Variants in NELFB observed in about 807,000 individuals in gnomAD.
NELFB encodes negative elongation factor complex member B.
In NELFB, 34 loss-of-function variants were observed where a neutral mutation model predicts 60.2. The observed-to-expected ratio is 0.56, with a 90% CI of 0.43 to 0.75. The LOEUF (loss-of-function observed/expected upper bound fraction) is 0.75, where lower values mean the gene tolerates loss of function less well. Ranked by LOEUF, NELFB falls within the 30% of genes least tolerant of loss-of-function variation. The probability of loss-of-function intolerance (pLI) is 0.00; values close to 1 mark genes in which losing one functional copy is unlikely to be tolerated. For synonymous variants in NELFB, 459 were observed against 382.1 expected, an observed-to-expected ratio of 1.20 and a Z score of -2.35; for missense variants, 770 against 831.6, an observed-to-expected ratio of 0.93 and a Z score of 0.91.
chr9:137,265,948 A>G lies in NELFB; in HGVS notation c.1112A>G (p.Gln371Arg). The change falls in exon 7 of 13, where the codon CAG (glutamine) becomes CGG (arginine). Residue 371 changes from glutamine (Q) to arginine (R), a missense_variant. Coordinates refer to ENST00000343053, the MANE Select transcript of NELFB (RefSeq NM_015456.5). ...GCACTGAGCACAGTCAGGCACCTGC[A>G]GGAGCTGGTCGGCCAGGAGACACTG... is the stretch of plus-strand genomic sequence containing the variant. The G allele has an allele frequency of 2.5e-6, 4 of 1,613,044 alleles. No individual in the cohort carries two copies. The highest frequency in any genetic ancestry group is 2.5e-6 in the Non-Finnish European group (3 of 1,179,876).
intron 5 of NELFB, among the ~76,000 whole-genome samples, chr9:137,263,830 C>G (rs774425808): frequency 6.6e-6 from 1 of 152,168 alleles, no homozygotes; most frequent in Non-Finnish European, 1.5e-5. Context: ...GTGGCCCTCC[C>G]CTTCCCCAGA....
At position 137,263,090 on chromosome 9, in the gene NELFB, G is replaced by T; in HGVS notation, c.795G>T (p.Met265Ile). The stretch of plus-strand genomic sequence containing the variant: ...GGAAGAACGTGAAGCTGTACGACAT[G>T]GTGCTGCAGTTTCTGCGCACGCTCT... Residue 265 changes from methionine (M) to isoleucine (I), a missense_variant, in exon 5 of 13, where the codon ATG becomes ATT. Met to Ile is a conservative substitution (Grantham distance 10). Transcript: ENST00000343053. 3 of 1,614,060 alleles carry T rather than the reference G, an allele frequency of 1.9e-6. No homozygotes were observed. The highest frequency in any genetic ancestry group is 1.7e-6 in the Non-Finnish European group (2 of 1,179,956).
rs1204129850 is a variant in NELFB, at chr9:137,262,354, G to A, written c.742-683G>A. 2.0e-5 allele frequency among the ~76,000 whole-genome samples: 3 copies of A among 152,170 alleles called. No homozygotes were observed. In the East Asian group the frequency reaches 5.8e-4, roughly 29 times the overall value. ...CCGCCTGGCAACGGGCGTCTTCCCA[G>A]ATGCTGGCGTCACCGCTAGACCAAG... On this transcript the variant is annotated intron_variant, in intron 4 of 12. Coordinates refer to ENST00000343053, the MANE Select transcript of NELFB (RefSeq NM_015456.5).
chr9:137,258,602 C>T (rs1265466147), intron 4 of NELFB, among the ~76,000 whole-genome samples: 2 of 151,826 alleles, frequency 1.3e-5, no homozygotes, highest in Non-Finnish European at 2.9e-5. Context: ...GCGCGCCCCA[C>T]CATGCCTGGC....
intron 10 of NELFB, 144 bp downstream of exon 10, chr9:137,267,490 C>CCTT: frequency 2.3e-6 from 1 of 440,372 alleles, no homozygotes; most frequent in East Asian, 4.3e-5. Context: ...TTGTTTTCAC[C>CCTT]TTTTTTTTTT....
intron 4 of NELFB, among the ~76,000 whole-genome samples, chr9:137,260,043 AT>A: frequency 7.1e-6 from 1 of 141,390 alleles, no homozygotes. Flanking sequence ...TTTTATTTTT[AT>A]TTATTTTATT....
chr9:137,256,549 T>A, intron 3 of NELFB, 121 bp downstream of exon 3: 1 of 872,288 alleles, frequency 1.1e-6, no homozygotes, highest in Non-Finnish European at 1.8e-6. Flanking sequence ...GCCCAAGTGC[T>A]GTCCATGGTG....
chr9:137,268,136 G>C (rs1262036975), intron 10 of NELFB, among the ~76,000 whole-genome samples: 1 of 152,100 alleles, frequency 6.6e-6, no homozygotes, highest in Non-Finnish European at 1.5e-5. Context: ...TTAGCCTGCT[G>C]TGGGTCCCAT....
At chr9:137,265,351 C>G (rs1374483916) in intron 6 of NELFB, among the ~76,000 whole-genome samples, 6 of 130,402 alleles carry the variant, frequency 4.6e-5, no homozygotes, top group African/African-American at 1.7e-4. Flanking sequence ...TTTGAAAAAT[C>G]TTTGAATAGG....
chr9:137,256,544 A>G (rs1418784127), intron 3 of NELFB, 116 bp downstream of exon 3: 4 of 912,840 alleles, frequency 4.4e-6, no homozygotes, highest in Non-Finnish European at 5.2e-6. Flanking sequence ...TGCCTGCCCA[A>G]GTGCTGTCCA....
chr9:137,272,732 C>T, intron 12 of NELFB, 50 bp from the exon 13 acceptor site: 1 of 1,521,086 alleles, frequency 6.6e-7, no homozygotes, highest in Non-Finnish European at 8.9e-7. Context: ...CCCTGTGCCC[C>T]CTGGGCCTGC....
intron 4 of NELFB, among the ~76,000 whole-genome samples, chr9:137,259,803 C>A (rs1284012197): frequency 6.6e-6 from 1 of 151,228 alleles, no homozygotes; most frequent in Non-Finnish European, 1.5e-5. Context: ...TGGCTCACTG[C>A]AAGCTCCGCC....
intron 6 of NELFB, among the ~76,000 whole-genome samples, 195 bp from the exon 7 acceptor site, chr9:137,265,682 C>T (rs978050828): frequency 4.3e-4 from 59 of 137,434 alleles, no homozygotes; most frequent in Non-Finnish European, 9.0e-4. Context: ...CCGCCGCGCC[C>T]GGCCTGCCAA....
intron 4 of NELFB, among the ~76,000 whole-genome samples, chr9:137,257,395 C>T (rs1008943649): frequency 6.6e-6 from 1 of 151,966 alleles, no homozygotes; most frequent in Non-Finnish European, 1.5e-5. Context: ...GTGGTGTGAT[C>T]TCGGCTCACT....
At chr9:137,265,850 A>G in intron 6 of NELFB, 27 bp from the exon 7 acceptor site, 1 of 1,517,702 alleles carries the variant, frequency 6.6e-7, no homozygotes, top group East Asian at 2.3e-5. Flanking sequence ...CAGGCGTCGC[A>G]TTAATGCCAG....
rs77836500 is a variant in NELFB at position 137,267,030 on chromosome 9, G to A, written c.1326G>A (p.Pro442=). The change falls in exon 9 of 13, where the codon CCG becomes CCA. Residue 442 remains proline (P), a synonymous_variant. Coordinates refer to ENST00000343053, the MANE Select transcript of NELFB (RefSeq NM_015456.5). ...CTTTCAATGTGGATCAGAAACTTCC[G>A]GCTGAGGAGAAAGCCCCAGTCTCAT... 1.1e-4 allele frequency: 181 copies of A among 1,614,100 alleles called. No homozygotes were observed. The East Asian group carries it at 1.9e-3, about 17-fold the overall frequency.
intron 8 of NELFB, 49 bp from the exon 9 acceptor site, chr9:137,266,895 T>TGGGGC (rs1291647195): frequency 7.9e-7 from 1 of 1,271,442 alleles, no homozygotes; most frequent in Non-Finnish European, 1.1e-6. Flanking sequence ...CAGGGTGGGG[T>TGGGGC]GGGGCAGGGC....
At chr9:137,256,680 T>C (rs536687218) in intron 3 of NELFB, 144 bp from the exon 4 acceptor site, 18 of 784,888 alleles carry the variant, frequency 2.3e-5, no homozygotes, top group Non-Finnish European at 3.7e-5. Flanking sequence ...TCTGACATGC[T>C]GGGGCCGGGG....
At position 137,255,413 on chromosome 9, in the gene NELFB, A is replaced by G; in HGVS notation, c.48A>G (p.Arg16=). 9.4e-7 allele frequency: 1 copy of G among 1,067,968 alleles called. No individual in the cohort carries two copies. The highest frequency in any genetic ancestry group is 1.2e-6 in the Non-Finnish European group (1 of 807,882). 66.2% of individuals were successfully genotyped at this position (1,067,968 alleles called of 1,614,324 possible). The stretch of plus-strand genomic sequence containing the variant: ...GGGAGCGGGGCTCGGGCGGTCCCCG[A>G]GGCCCGGCGGAGCGGGCTTCTGGGG... Residue 16 remains arginine, a synonymous_variant, in exon 1 of 13, where the codon CGA becomes CGG. Transcript: ENST00000343053.
Sources: allele counts gnomAD v4.1 joint callset (sites outside exome capture counted in the v4.1 genomes callset), GRCh38; gene constraint gnomAD v4.1.1; transcripts MANE v1.5; gene names NCBI Gene and HGNC (gene_info 2026-07-23, HGNC 2026-07-21).